Variants in DHX57 observed in about 807,000 individuals in gnomAD.
DHX57 encodes the protein putative ATP-dependent RNA helicase DHX57.
A neutral mutation model predicts 156.2 loss-of-function variants in DHX57; 105 were observed. That is an observed-to-expected ratio of 0.67 (90% CI 0.57 to 0.79). The LOEUF is 0.79. DHX57 is among the 30% of genes least tolerant of loss of function. DHX57 has a pLI of 0.00. For missense variants in DHX57, 1,847 were observed against 1,661.9 expected, an observed-to-expected ratio of 1.11 and a Z score of -1.94; for synonymous variants, 704 against 595.6, an observed-to-expected ratio of 1.18 and a Z score of -2.65.
At position 38,815,565 on chromosome 2, in the gene DHX57, T is replaced by G; in HGVS notation, c.3562A>C (p.Arg1188=). Residue 1188 remains arginine (R), a synonymous_variant, in exon 20 of 24, where the codon AGG becomes CGG. Coordinates refer to ENST00000457308, the MANE Select transcript of DHX57 (RefSeq NM_198963.3). ...EGLRAREIEK[R]AQGGDGVLDA... is the part of the protein sequence containing the mutation. ...AAGACACCATCTCCTCCTTGGGCCC[T>G]TTTCTCAATTTCCCTTGCTCTGAGC... The G allele has an allele frequency of 6.2e-7, 1 of 1,614,092 alleles. No homozygotes were observed. The highest frequency in any genetic ancestry group is 2.2e-5 in the East Asian group (1 of 44,872).
chr2:38,833,266 C>A (rs1671474645), intron 13 of DHX57, among the ~76,000 whole-genome samples: 1 of 152,080 alleles, frequency 6.6e-6, no homozygotes, highest in Non-Finnish European at 1.5e-5. Flanking sequence ...CCTCAGCCTC[C>A]TGTGTAGCTG....
chr2:38,811,831 C>T (rs1476559854), intron 21 of DHX57, among the ~76,000 whole-genome samples: 1 of 152,174 alleles, frequency 6.6e-6, no homozygotes, highest in Non-Finnish European at 1.5e-5. Context: ...GGTTTAGCCT[C>T]AAAACTATAT....
At chr2:38,802,643 G>T in intron 23 of DHX57, 72 bp downstream of exon 23, 2 of 1,576,840 alleles carry the variant, frequency 1.3e-6, no homozygotes, top group South Asian at 2.2e-5. Flanking sequence ...GAATGCCCTT[G>T]ACTTCATAAC....
chr2:38,803,919 C>T (rs1354225521), intron 22 of DHX57, among the ~76,000 whole-genome samples: 2 of 151,976 alleles, frequency 1.3e-5, no homozygotes, highest in Non-Finnish European at 2.9e-5. Context: ...GTAGCTGGGA[C>T]TACAGGCTTG....
intron 20 of DHX57, among the ~76,000 whole-genome samples, chr2:38,814,126 C>G (rs1670409463): frequency 6.6e-6 from 1 of 152,026 alleles, no homozygotes; most frequent in African/African-American, 2.4e-5. Flanking sequence ...TTAGTAGAGA[C>G]AAGGTTTCAC....
intron 11 of DHX57, among the ~76,000 whole-genome samples, chr2:38,845,352 T>C (rs1312919950): frequency 6.6e-6 from 1 of 152,170 alleles, no homozygotes; most frequent in Non-Finnish European, 1.5e-5. Context: ...ATAATAATTC[T>C]AATAAGCTCC....
intron 13 of DHX57, among the ~76,000 whole-genome samples, chr2:38,829,283 ATT>A (rs36057730): frequency 2.4e-4 from 33 of 134,900 alleles, no homozygotes; most frequent in African/African-American, 4.5e-4. Flanking sequence ...TACACTGGCT[ATT>A]TTTTTTTTTT....
At chr2:38,804,861 T>G (rs768404060) in intron 22 of DHX57, among the ~76,000 whole-genome samples, 5 of 152,184 alleles carry the variant, frequency 3.3e-5, no homozygotes, top group Non-Finnish European at 7.3e-5. Flanking sequence ...CCACCCCACG[T>G]GCAGGGCCCC....
intron 9 of DHX57, among the ~76,000 whole-genome samples, chr2:38,850,154 G>C (rs1240632640): frequency 1.3e-5 from 2 of 152,172 alleles, no homozygotes. Flanking sequence ...GAAAACAAAA[G>C]TAACTATTTC....
In DHX57 at chr2:38,861,462, T is replaced by C. The variant is rs375449346; in HGVS notation, c.948A>G (p.Gly316=). ...KFYLKGNCKF[G]SKCRFKHEVP... is the part of the protein sequence containing the mutation. ...CTTCATGTTTGAATCTGCATTTTGA[T>C]CCAAATTTACAATTTCCTTTGAGGT... is the stretch of plus-strand genomic sequence containing the variant. Residue 316 remains glycine, a synonymous_variant, in exon 5 of 24, where the codon GGA becomes GGG. Transcript: ENST00000457308. 6.3e-5 allele frequency: 102 copies of C among 1,613,966 alleles called. No individual in the cohort carries two copies. Among genetic ancestry groups the C allele is most frequent in the Non-Finnish European group, 8.0e-5 (94 of 1,180,036 alleles).
intron 13 of DHX57, among the ~76,000 whole-genome samples, chr2:38,829,283 ATTT>A (rs36057730): frequency 3.7e-5 from 5 of 134,900 alleles, no homozygotes; most frequent in Admixed American, 7.5e-5. Context: ...TACACTGGCT[ATTT>A]TTTTTTTTTT....
intron 1 of DHX57, among the ~76,000 whole-genome samples, chr2:38,868,755 T>C (rs928857400): frequency 6.6e-6 from 1 of 152,196 alleles, no homozygotes; most frequent in Non-Finnish European, 1.5e-5. Flanking sequence ...AATACACATG[T>C]CTAGGCTTTA....
chr2:38,810,802 T>G (rs1670205686), intron 21 of DHX57: 1 of 744,772 alleles, frequency 1.3e-6, no homozygotes, highest in Non-Finnish European at 2.4e-6. Flanking sequence ...TAAATGAGGG[T>G]GGTAAAGGAT....
At position 38,856,451 on chromosome 2, in the gene DHX57, T is replaced by A. The variant is rs1448222305; in HGVS notation, c.1598A>T (p.Gln533Leu). ...KQFRMKQASR[Q>L]FQSILQERQS... ...CCTCTCTTGCAGAATGGACTGGAAC[T>A]GTCTGGAAGCCTAATAAAATCAAAG... The change falls in exon 7 of 24, where the codon CAG becomes CTG. Residue 533 changes from glutamine (Q) to leucine (L), a missense_variant. Coordinates refer to ENST00000457308, the MANE Select transcript of DHX57 (RefSeq NM_198963.3). 1 of 1,599,910 alleles carries A rather than the reference T, an allele frequency of 6.3e-7. No homozygotes were observed. The highest frequency in any genetic ancestry group is 1.4e-5 in the African/African-American group (1 of 74,026).
At chr2:38,855,302 T>G (rs1488845725) in intron 7 of DHX57, 50 bp from the exon 8 acceptor site, 1 of 1,556,022 alleles carries the variant, frequency 6.4e-7, no homozygotes, top group Non-Finnish European at 8.9e-7. Flanking sequence ...AAGGGCTAGT[T>G]AACTAAAGAA....
intron 13 of DHX57, among the ~76,000 whole-genome samples, chr2:38,836,082 G>A (rs1457320962): frequency 6.6e-6 from 1 of 152,252 alleles, no homozygotes; most frequent in Non-Finnish European, 1.5e-5. Context: ...CAGTCTGGCA[G>A]AAAGACTCAA....
At chr2:38,810,376 G>C in intron 21 of DHX57, 1 of 487,478 alleles carries the variant, frequency 2.1e-6, no homozygotes, top group South Asian at 1.5e-5. Context: ...AACAATTAGT[G>C]CCTGTACTTG....
At chr2:38,819,191 C>A in intron 17 of DHX57, 47 bp from the exon 18 acceptor site, 1 of 1,520,526 alleles carries the variant, frequency 6.6e-7, no homozygotes, top group South Asian at 1.1e-5. Flanking sequence ...TTTTTTTTTT[C>A]AAAGACAGGG....
chr2:38,847,791 C>A (rs1381685831), intron 10 of DHX57, among the ~76,000 whole-genome samples: 2 of 152,072 alleles, frequency 1.3e-5, no homozygotes, highest in African/African-American at 4.8e-5. Flanking sequence ...AAATTAAAAT[C>A]TCCCAGCAAT....
Sources: gnomAD v4.1 joint callset for allele counts (sites outside exome capture counted in the v4.1 genomes callset) on GRCh38, gnomAD v4.1.1 for gene constraint, MANE v1.5 for transcripts, NCBI Gene and HGNC (gene_info 2026-07-23, HGNC 2026-07-21) for gene names.